ZNF676: variants seen among roughly 807,000 people sequenced by gnomAD.
ZNF676 encodes zinc finger protein 676.
Under a neutral mutation model 6.0 loss-of-function variants are expected in ZNF676, and 4 were observed. That is an observed-to-expected ratio of 0.67 (90% CI 0.33 to 1.53). ZNF676 has a LOEUF of 1.53. Among genes scored for constraint, ZNF676 ranks in the 40% most tolerant of loss-of-function variants. ZNF676 has a pLI of 0.06. For synonymous variants in ZNF676, 198 were observed against 223.1 expected, an observed-to-expected ratio of 0.89 and a Z score of 1.00; for missense variants, 644 against 679.7, an observed-to-expected ratio of 0.95 and a Z score of 0.58.
the ZNF676 span, among the ~76,000 whole-genome samples, chr19:22,242,842 T>TG: frequency 2.3e-3 from 315 of 136,946 alleles, 2 homozygotes; most frequent in South Asian, 7.9e-3. Context: ...ATTACCCAAG[T>TG]TGGGGGGGGG....
chr19:22,223,969 A>G, the ZNF676 span, among the ~76,000 whole-genome samples: 1 of 151,832 alleles, frequency 6.6e-6, no homozygotes, highest in African/African-American at 2.4e-5. Context: ...AACAGCATAT[A>G]TAACGATGAA....
At chr19:22,208,891 A>G (rs760045260) in intron 1 of ZNF676, among the ~76,000 whole-genome samples, 10 of 152,182 alleles carry the variant, frequency 6.6e-5, no homozygotes, top group Non-Finnish European at 1.3e-4. Flanking sequence ...CAGCGAGCCA[A>G]GATCACACCA....
chr19:22,219,307 C>T (rs866622126), upstream of ZNF676, among the ~76,000 whole-genome samples: 4 of 151,970 alleles, frequency 2.6e-5, no homozygotes, highest in South Asian at 2.1e-4. Flanking sequence ...CCATGTTGGC[C>T]AGGCTGGTCT....
At chr19:22,181,614 A>T (rs2023754631) in intron 2 of ZNF676, 28 bp from the exon 3 acceptor site, 1 of 1,467,386 alleles carries the variant, frequency 6.8e-7, no homozygotes, top group Non-Finnish European at 9.0e-7. Flanking sequence ...TAACAAATTA[A>T]TCTACATATT....
intron 1 of ZNF676, chr19:22,203,260 C>G (rs750784342): frequency 6.4e-6 from 1 of 155,404 alleles, no homozygotes; most frequent in Non-Finnish European, 1.4e-5. Context: ...GAAAAAAATA[C>G]TGCTGGATTT....
intron 1 of ZNF676, among the ~76,000 whole-genome samples, chr19:22,193,548 G>A (rs2023936158): frequency 6.6e-6 from 1 of 152,010 alleles, no homozygotes; most frequent in South Asian, 2.1e-4. Context: ...TGAGTCTCAA[G>A]AATTAAAAAG....
rs761983232 is a variant in ZNF676, at chr19:22,196,625, C to G, written c.9G>C (p.Glu3Asp). ...CCAGGAAGACCAGGTTTCTGTAGTT[C>G]TCTAACATCACATTCCTATATAAAT... ML[E>D]NYRNLVFLGI... Residue 3 changes from glutamate to aspartate, a missense_variant, in exon 1 of 3, where the codon GAG becomes GAC. Glu to Asp is a conservative substitution (Grantham distance 45, BLOSUM62 2). Around this residue, in one of 5 missense-constraint regions of ZNF676, gnomAD observed 280 missense variants for 269.3 expected, o/e 1.04. Coordinates refer to ENST00000397121, the MANE Select transcript of ZNF676 (RefSeq NM_001001411.3). 1 of 1,613,616 alleles carries G rather than the reference C, an allele frequency of 6.2e-7. No homozygotes were observed. The highest frequency in any genetic ancestry group is 1.1e-5 in the South Asian group (1 of 91,076).
At chr19:22,223,220 AGT>A in the ZNF676 span, among the ~76,000 whole-genome samples, 1 of 152,182 alleles carries the variant, frequency 6.6e-6, no homozygotes, top group Non-Finnish European at 1.5e-5. Context: ...TTGCCACCTT[AGT>A]GGAAGCCTGT....
At chr19:22,181,717 T>C (rs2023756191) in intron 2 of ZNF676, 131 bp from the exon 3 acceptor site, 2 of 623,434 alleles carry the variant, frequency 3.2e-6, no homozygotes, top group East Asian at 5.6e-5. Context: ...AGGCCCTAAT[T>C]CTTCATAGAT....
chr19:22,224,280 T>C, the ZNF676 span, among the ~76,000 whole-genome samples: 1 of 151,468 alleles, frequency 6.6e-6, no homozygotes, highest in East Asian at 1.9e-4. Context: ...CAGTGAATTT[T>C]TTTTGTTTTA....
chr19:22,228,734 A>G, the ZNF676 span, among the ~76,000 whole-genome samples: 2 of 152,234 alleles, frequency 1.3e-5, no homozygotes, highest in Non-Finnish European at 2.9e-5. Flanking sequence ...GAGCCAAATC[A>G]TGACTGAGCT....
At chr19:22,200,188 C>A (rs2024009645), upstream of ZNF676, among the ~76,000 whole-genome samples, 1 of 151,474 alleles carries the variant, frequency 6.6e-6, no homozygotes, top group African/African-American at 2.4e-5. Flanking sequence ...CTTTTTTAGC[C>A]ACTGCCCTGT....
intron 2 of ZNF676, among the ~76,000 whole-genome samples, chr19:22,190,658 T>C (rs1273454844): frequency 8.1e-6 from 1 of 123,786 alleles, no homozygotes; most frequent in Non-Finnish European, 1.5e-5. Flanking sequence ...TATATATATA[T>C]ATATATACAT....
chr19:22,250,913 T>C, the ZNF676 span, among the ~76,000 whole-genome samples: 133,258 of 152,000 alleles, frequency 0.88, 61,093 homozygotes, highest in East Asian at 1. Flanking sequence ...GTTTTCACCA[T>C]GTTGAGCAGG....
At chr19:22,205,742 TA>T (rs1298100742) in intron 1 of ZNF676, among the ~76,000 whole-genome samples, 2 of 151,714 alleles carry the variant, frequency 1.3e-5, no homozygotes, top group Non-Finnish European at 2.9e-5. Context: ...ACATCATAAA[TA>T]AAAGACTGAG....
intron 1 of ZNF676, among the ~76,000 whole-genome samples, chr19:22,211,935 C>G (rs940036641): frequency 2.0e-4 from 31 of 152,072 alleles, no homozygotes; most frequent in African/African-American, 6.8e-4. Flanking sequence ...CGCAGTGGCT[C>G]ACACCTGTAA....
chr19:22,220,720 G>T (rs2050857336), upstream of ZNF676, among the ~76,000 whole-genome samples: 1 of 152,108 alleles, frequency 6.6e-6, no homozygotes, highest in African/African-American at 2.4e-5. Context: ...TCCTACCAAA[G>T]TGCTAGGATT....
intron 1 of ZNF676, among the ~76,000 whole-genome samples, chr19:22,195,334 G>A (rs1420235139): frequency 6.6e-6 from 1 of 152,148 alleles, no homozygotes; most frequent in Non-Finnish European, 1.5e-5. Flanking sequence ...CCCCGTCTTG[G>A]CACATTTTGG....
the ZNF676 span, among the ~76,000 whole-genome samples, chr19:22,246,289 A>G: frequency 7.8e-4 from 118 of 152,222 alleles, 1 homozygote; most frequent in South Asian, 0.024. Context: ...TGCAAGACTC[A>G]GACACAAGAG....
Sources: allele counts gnomAD v4.1 joint callset (sites outside exome capture counted in the v4.1 genomes callset), GRCh38; gene constraint gnomAD v4.1.1; regional missense constraint gnomAD v4.1.1; transcripts MANE v1.5; gene names NCBI Gene and HGNC (gene_info 2026-07-23, HGNC 2026-07-21).